The following MYBPC1 variants were observed in gnomAD, a reference collection of about 807,000 sequenced individuals.
MYBPC1 encodes myosin binding protein C1, also known as myosin-binding protein C, slow-type.
A neutral mutation model predicts 147.1 loss-of-function variants in MYBPC1; 52 were observed. That is an observed-to-expected ratio of 0.35 (90% CI 0.28 to 0.45). MYBPC1 has a LOEUF of 0.45. MYBPC1 is among the 20% of genes least tolerant of loss of function. MYBPC1 has a pLI of 1.00. For synonymous variants in MYBPC1, 477 were observed against 475.9 expected (o/e 1.00, Z -0.03); for missense variants, 1,228 against 1,440.3 (o/e 0.85, Z 2.39).
intron 15 of MYBPC1, chr12:101,650,970 G>A: frequency 2.2e-6 from 1 of 460,970 alleles, no homozygotes; most frequent in African/African-American, 2.0e-5. Flanking sequence ...TGTTTGAGGT[G>A]TGAGTCTGCA....
Position 101,661,146 on chromosome 12 carries a change from T to C in MYBPC1, c.1928-12T>C. On this transcript the variant is annotated splice_polypyrimidine_tract_variant and intron_variant, in intron 19 of 31. Transcript: ENST00000361466. ...CCTTATTTTACTTTATCCTATTTTT[T>C]GTCTGCCACAGACTTCCCTGATCCT... is the stretch of plus-strand genomic sequence containing the variant. 1 of 1,596,368 alleles carries C rather than the reference T, an allele frequency of 6.3e-7. No individual in the cohort carries two copies. The highest frequency in any genetic ancestry group is 1.9e-4 in the Middle Eastern group (1 of 5,298).
Position 101,670,903 on chromosome 12 carries a change from A to C in MYBPC1, c.2613+494A>C, listed in dbSNP as rs565400000. On this transcript the variant is annotated intron_variant, in intron 24 of 31. Transcript: ENST00000361466. Reference sequence around the variant, plus strand: ...TAACTGAAATATATGAACAATATTAAATCATTGTTCCAGCAAAAGAATCTG... The same window carrying C: ...TAACTGAAATATATGAACAATATTACATCATTGTTCCAGCAAAAGAATCTG... Among the ~76,000 whole-genome samples, 28 of 152,312 alleles carry C rather than the reference A, an allele frequency of 1.8e-4. No homozygotes were observed. The South Asian group carries it at 5.8e-3, about 32-fold the overall frequency.
chr12:101,693,397 A>G, the MYBPC1 span, among the ~76,000 whole-genome samples: 1 of 152,222 alleles, frequency 6.6e-6, no homozygotes, highest in Non-Finnish European at 1.5e-5. Context: ...TGTGATTGAG[A>G]CAGCTTGATG....
downstream of MYBPC1, among the ~76,000 whole-genome samples, chr12:101,688,271 T>C (rs1394631157): frequency 6.6e-6 from 1 of 152,056 alleles, no homozygotes; most frequent in Non-Finnish European, 1.5e-5. Flanking sequence ...ATATAAAAAT[T>C]AGTTGGGCGT....
At chr12:101,644,595 A>G (rs1892680519) in intron 11 of MYBPC1, 69 bp from the exon 12 acceptor site, 2 of 1,414,956 alleles carry the variant, frequency 1.4e-6, no homozygotes, top group Admixed American at 1.7e-5. Context: ...TCCTACATGT[A>G]TTGACTATTT....
At position 101,685,775 on chromosome 12, in the gene MYBPC1, A is replaced by C; in HGVS notation, c.*213A>C. 3.4e-6 allele frequency: 3 copies of C among 883,374 alleles called. No homozygotes were observed. The highest frequency in any genetic ancestry group is 1.8e-5 in the South Asian group (1 of 54,572). The allele number at this position is 883,374 out of a possible 1,614,324, so 54.7% of individuals were successfully genotyped here. On this transcript the variant is annotated 3_prime_UTR_variant, in exon 32 of 32. Coordinates refer to ENST00000361466, the MANE Select transcript of MYBPC1 (RefSeq NM_002465.4). ...TTTTCTGTTTTCCCACCAGGCCCCC[A>C]AGTGTGGTCTTTTTCTTTCCTCCTA...
chr12:101,692,987 C>T, the MYBPC1 span, among the ~76,000 whole-genome samples: 2 of 147,496 alleles, frequency 1.4e-5, no homozygotes, highest in Non-Finnish European at 3.0e-5. Flanking sequence ...TGCTCTGTCG[C>T]CCAGGCTAGA....
chr12:101,659,445 A>G (rs1047836575), intron 18 of MYBPC1, among the ~76,000 whole-genome samples: 2 of 152,220 alleles, frequency 1.3e-5, no homozygotes, highest in Admixed American at 6.5e-5. Flanking sequence ...TTTATGTGTA[A>G]GATGGTATAA....
rs540701628 is a variant in MYBPC1 at position 101,634,747 on chromosome 12, G to A, written c.608+142G>A. On this transcript the variant is annotated intron_variant, in intron 9 of 31. Coordinates refer to ENST00000361466, the MANE Select transcript of MYBPC1 (RefSeq NM_002465.4). ...CAAAAACACCATATATTTAAACATTGGTGTTCTAGAAAAACCATGGGTTTA... is the reference window on the plus strand; with the variant it reads ...CAAAAACACCATATATTTAAACATTAGTGTTCTAGAAAAACCATGGGTTTA... The A allele has an allele frequency of 1.3e-4, 93 of 716,772 alleles. No individual in the cohort carries two copies. The African/African-American group carries it at 1.5e-3, about 11-fold the overall frequency. 44.4% of individuals were successfully genotyped at this position (716,772 alleles called of 1,614,324 possible).
chr12:101,656,210 G>A (rs1317339549), intron 18 of MYBPC1, among the ~76,000 whole-genome samples: 1 of 151,840 alleles, frequency 6.6e-6, no homozygotes, highest in African/African-American at 2.4e-5. Flanking sequence ...TGCTAATAAA[G>A]GAGAGAAAAT....
At chr12:101,676,279 A>C (rs1223233954) in intron 26 of MYBPC1, among the ~76,000 whole-genome samples, 2 of 152,138 alleles carry the variant, frequency 1.3e-5, no homozygotes, top group African/African-American at 2.4e-5. Context: ...GCAGAGGATA[A>C]ATGACTTGCT....
At chr12:101,661,929 T>A (rs1430227232) in intron 20 of MYBPC1, among the ~76,000 whole-genome samples, 11 of 59,214 alleles carry the variant, frequency 1.9e-4, no homozygotes, top group Non-Finnish European at 1.6e-4. Flanking sequence ...AGAAAAAATA[T>A]TTAAATGCTT....
At chr12:101,682,702 G>C in intron 30 of MYBPC1, 40 bp downstream of exon 30, 1 of 1,543,696 alleles carries the variant, frequency 6.5e-7, no homozygotes, top group Non-Finnish European at 8.9e-7. Flanking sequence ...TCTACTTTCC[G>C]TTCCATTCCT....
At chr12:101,616,003 C>G (rs1565899692) in intron 2 of MYBPC1, among the ~76,000 whole-genome samples, 2 of 150,888 alleles carry the variant, frequency 1.3e-5, no homozygotes, top group Non-Finnish European at 2.9e-5. Flanking sequence ...TGGGCGCAAG[C>G]AGAGATTGTT....
rs1350524179 is a variant in MYBPC1 at position 101,648,046 on chromosome 12, G to T, written c.1092G>T (p.Glu364Asp). ...EKCSTELFVR[E>D]PPIMVTKQLE... ...TGATTTCCCCTTTTTGTATACTAGA[G>T]CCTCCAATTATGGTGACCAAACAGC... The change falls in exon 14 of 32, where the codon GAG becomes GAT. Residue 364 changes from glutamate (E) to aspartate (D), a missense_variant and splice_region_variant. By Grantham distance (45) the Glu-to-Asp change is conservative. Transcript: ENST00000361466. 1.2e-6 allele frequency: 2 copies of T among 1,606,650 alleles called. No individual in the cohort carries two copies. Among genetic ancestry groups the T allele is most frequent in the Non-Finnish European group, 1.7e-6 (2 of 1,173,606 alleles).
At chr12:101,614,895 C>G (rs190908123) in intron 2 of MYBPC1, 59 of 333,840 alleles carry the variant, frequency 1.8e-4, no homozygotes, top group African/African-American at 1.2e-3. Context: ...TCAAACAAAC[C>G]CACATCTTCT....
chr12:101,651,216 C>T lies in MYBPC1; in HGVS notation c.1364-15C>T, dbSNP rs781316495. On this transcript the variant is annotated splice_polypyrimidine_tract_variant and intron_variant, in intron 15 of 31. Coordinates refer to ENST00000361466, the MANE Select transcript of MYBPC1 (RefSeq NM_002465.4). Reference sequence around the variant, plus strand: ...GTTTGGGCTTGGCATTTGTGATGGTCTATCATTTCTACAGTGAAACCTCTG... The same window carrying T: ...GTTTGGGCTTGGCATTTGTGATGGTTTATCATTTCTACAGTGAAACCTCTG... The T allele has an allele frequency of 6.8e-6, 11 of 1,613,984 alleles. No individual in the cohort carries two copies. Among genetic ancestry groups the T allele is most frequent in the South Asian group, 4.4e-5 (4 of 91,050 alleles).
Position 101,634,557 on chromosome 12 carries a change from C to G in MYBPC1, c.560C>G (p.Ser187Cys). 2 of 1,612,246 alleles carry G rather than the reference C, an allele frequency of 1.2e-6. No homozygotes were observed. Among genetic ancestry groups the G allele is most frequent in the Non-Finnish European group, 1.7e-6 (2 of 1,178,378 alleles). Residue 187 changes from serine to cysteine, a missense_variant, in exon 9 of 32, where the codon TCT becomes TGT. By Grantham distance (112) the Ser-to-Cys change is moderately radical. Around this residue, in one of 2 missense-constraint regions of MYBPC1, gnomAD observed 1,077 missense variants for 1,314.2 expected, o/e 0.82. Coordinates refer to ENST00000361466, the MANE Select transcript of MYBPC1 (RefSeq NM_002465.4). ...ATTGTTTTCTTTCCTTTCAAAGAAT[C>G]TACTGGGACTACTCCAAACATTGAC... Reference protein sequence around the residue: ...SCSFDLEVHESTGTTPNIDIR... With the variant: ...SCSFDLEVHECTGTTPNIDIR...
At position 101,629,441 on chromosome 12, in the gene MYBPC1, C is replaced by T; in HGVS notation, c.186C>T (p.Thr62=). The T allele has an allele frequency of 6.2e-7, 1 of 1,609,138 alleles. No individual in the cohort carries two copies. Among genetic ancestry groups the T allele is most frequent in the Non-Finnish European group, 8.5e-7 (1 of 1,175,612 alleles). Residue 62 remains threonine (T), a synonymous_variant, in exon 6 of 32, where the codon ACC becomes ACT. Coordinates refer to ENST00000361466, the MANE Select transcript of MYBPC1 (RefSeq NM_002465.4). ...RALERKDSDW[T]LVETPPGEEQ... ...CTCCTTTCTGCTCATCAGACTGGACCCTTGTCGAAACTCCTCCTGGGGAGG... is the reference window on the plus strand; with the variant it reads ...CTCCTTTCTGCTCATCAGACTGGACTCTTGTCGAAACTCCTCCTGGGGAGG...
Sources: allele counts gnomAD v4.1 joint callset (sites outside exome capture counted in the v4.1 genomes callset), GRCh38; gene constraint gnomAD v4.1.1; regional missense constraint gnomAD v4.1.1; transcripts MANE v1.5; gene names NCBI Gene and HGNC (gene_info 2026-07-23, HGNC 2026-07-21).